MGAT4C: variants seen among roughly 807,000 people sequenced by gnomAD.
MGAT4C encodes alpha-1,3-mannosyl-glycoprotein 4-beta-N-acetylglucosaminyltransferase C.
Under a neutral mutation model 40.1 loss-of-function variants are expected in MGAT4C, and 19 were observed. The observed-to-expected ratio is 0.47, with a 90% confidence interval of 0.33 to 0.70. The LOEUF (loss-of-function observed/expected upper bound fraction) is 0.70, where lower values mean the gene tolerates loss of function less well. Ranked by LOEUF, MGAT4C falls within the 30% of genes least tolerant of loss-of-function variation. MGAT4C has a pLI of 0.02. For synonymous variants in MGAT4C, 181 were observed against 187.1 expected, an observed-to-expected ratio of 0.97 and a Z score of 0.27; for missense variants, 491 against 563.2, an observed-to-expected ratio of 0.87 and a Z score of 1.30.
Position 86,242,326 on chromosome 12 carries a change from G to A in MGAT4C, c.-57+13913C>T, listed in dbSNP as rs376771205. On this transcript the variant is annotated intron_variant, in intron 1 of 4. Coordinates refer to ENST00000611864, the MANE Select transcript of MGAT4C (RefSeq NM_001351288.2). ...TAAGACATTCCCCTTCAGCTCACTC[G>A]CCACGAAGCTGGATTTGGTAAACAT... Among the ~76,000 whole-genome samples the A allele has an allele frequency of 5.3e-5, 8 of 152,090 alleles. No homozygotes were observed. In the South Asian group the frequency reaches 6.2e-4, roughly 12 times the overall value.
chr12:86,197,709 C>T (rs1013510479), intron 1 of MGAT4C, among the ~76,000 whole-genome samples: 2 of 152,064 alleles, frequency 1.3e-5, no homozygotes, highest in Non-Finnish European at 2.9e-5. Context: ...CAGATAGATA[C>T]GTAGATATAT....
chr12:86,134,673 G>A (rs1320330382), intron 1 of MGAT4C, among the ~76,000 whole-genome samples: 2 of 152,082 alleles, frequency 1.3e-5, no homozygotes, highest in Non-Finnish European at 2.9e-5. Flanking sequence ...GAAAACTGCT[G>A]AGTGTTATAG....
intron 2 of MGAT4C, among the ~76,000 whole-genome samples, chr12:86,653,742 A>G (rs1318328040): frequency 6.6e-6 from 1 of 151,508 alleles, no homozygotes; most frequent in African/African-American, 2.4e-5. Context: ...ATGAGTTTTC[A>G]CTCATTTAAA....
intron 3 of MGAT4C, among the ~76,000 whole-genome samples, chr12:86,430,512 G>T (rs759520065): frequency 6.6e-5 from 10 of 152,298 alleles, no homozygotes; most frequent in South Asian, 4.1e-4. Flanking sequence ...GTGGGCTATT[G>T]ACTTTGTTTG....
At chr12:86,462,153 T>A (rs539622740) in intron 2 of MGAT4C, among the ~76,000 whole-genome samples, 6 of 152,328 alleles carry the variant, frequency 3.9e-5, no homozygotes, top group African/African-American at 1.4e-4. Context: ...TAACAGAAGT[T>A]TAGTTCACTA....
intron 2 of MGAT4C, chr12:86,013,717 A>G: frequency 1.0e-6 from 1 of 985,100 alleles, no homozygotes; most frequent in African/African-American, 1.7e-5. Flanking sequence ...CACCAACAAA[A>G]AGAACATACG....
At chr12:86,037,227 T>C (rs1207904100) in intron 2 of MGAT4C, among the ~76,000 whole-genome samples, 1 of 150,046 alleles carries the variant, frequency 6.7e-6, no homozygotes, top group Non-Finnish European at 1.5e-5. Flanking sequence ...TCGTTGATCT[T>C]TTCAAAAATC....
At chr12:86,500,664 C>A (rs1346858892) in intron 2 of MGAT4C, among the ~76,000 whole-genome samples, 1 of 151,796 alleles carries the variant, frequency 6.6e-6, no homozygotes, top group East Asian at 1.9e-4. Context: ...AGAAACAATC[C>A]ACCAATTTAT....
intron 1 of MGAT4C, among the ~76,000 whole-genome samples, chr12:86,244,018 G>A (rs1328318499): frequency 6.6e-6 from 1 of 152,140 alleles, no homozygotes; most frequent in African/African-American, 2.4e-5. Flanking sequence ...GCTGCTGCTG[G>A]TGGTGTTTGT....
intron 3 of MGAT4C, among the ~76,000 whole-genome samples, chr12:86,370,657 T>C (rs573307083): frequency 2.0e-5 from 3 of 152,220 alleles, no homozygotes; most frequent in African/African-American, 7.2e-5. Flanking sequence ...GGCAAAATGC[T>C]ATGAATGTTT....
At chr12:86,201,551 T>C (rs994300288) in intron 1 of MGAT4C, among the ~76,000 whole-genome samples, 20 of 150,330 alleles carry the variant, frequency 1.3e-4, no homozygotes, top group African/African-American at 4.6e-4. Flanking sequence ...TGTAGTTATA[T>C]ATTAAATACA....
intron 1 of MGAT4C, among the ~76,000 whole-genome samples, chr12:86,800,682 T>G (rs1593219442): frequency 6.6e-6 from 1 of 151,754 alleles, no homozygotes; most frequent in East Asian, 1.9e-4. Flanking sequence ...ACCATAGAAA[T>G]TAATGTCCAA....
chr12:86,564,693 G>T (rs568398397), intron 2 of MGAT4C, among the ~76,000 whole-genome samples: 2 of 152,092 alleles, frequency 1.3e-5, no homozygotes, highest in African/African-American at 4.8e-5. Flanking sequence ...TTTGCCCCTC[G>T]TACAATCAAG....
At chr12:86,534,745 G>T (rs562339948) in intron 2 of MGAT4C, among the ~76,000 whole-genome samples, 1 of 151,962 alleles carries the variant, frequency 6.6e-6, no homozygotes, top group Non-Finnish European at 1.5e-5. Context: ...CAATTCAATG[G>T]TTTTTGCTTC....
chr12:86,438,330 A>G (rs1379986454), intron 2 of MGAT4C, among the ~76,000 whole-genome samples: 1 of 151,994 alleles, frequency 6.6e-6, no homozygotes. Context: ...AGGAAGCTGA[A>G]GAAGAAAAGT....
chr12:86,711,127 C>T (rs544071428), intron 2 of MGAT4C, among the ~76,000 whole-genome samples: 1 of 152,154 alleles, frequency 6.6e-6, no homozygotes, highest in East Asian at 1.9e-4. Flanking sequence ...TCTCAGAAAT[C>T]ACCACGAAAG....
chr12:86,090,926 G>A (rs1465163986), intron 1 of MGAT4C, among the ~76,000 whole-genome samples: 1 of 151,786 alleles, frequency 6.6e-6, no homozygotes, highest in African/African-American at 2.4e-5. Context: ...TACCATTTAA[G>A]AAGAATAATT....
chr12:86,202,216 T>G (rs1447875873), intron 1 of MGAT4C, among the ~76,000 whole-genome samples: 1 of 152,068 alleles, frequency 6.6e-6, no homozygotes, highest in Non-Finnish European at 1.5e-5. Flanking sequence ...AGCATCAATA[T>G]TCTGCCATTA....
At chr12:86,821,366 T>G (rs1952703505) in intron 1 of MGAT4C, among the ~76,000 whole-genome samples, 1 of 150,804 alleles carries the variant, frequency 6.6e-6, no homozygotes, top group African/African-American at 2.4e-5. Context: ...CTTTTTAAAT[T>G]TTTATGGATG....
Sources: gnomAD v4.1 joint callset for allele counts (sites outside exome capture counted in the v4.1 genomes callset) on GRCh38, gnomAD v4.1.1 for gene constraint, MANE v1.5 for transcripts, NCBI Gene and HGNC (gene_info 2026-07-23, HGNC 2026-07-21) for gene names.